The following RPF1 variants were observed in gnomAD, a reference collection of about 807,000 sequenced individuals.
The protein encoded by RPF1 is ribosome production factor 1 homolog, also known as ribosome production factor 1.
In RPF1, 34 loss-of-function variants were observed where a neutral mutation model predicts 41.9. That is an observed-to-expected ratio of 0.81 (90% confidence interval 0.62 to 1.08). The LOEUF (loss-of-function observed/expected upper bound fraction) is 1.08. Ranked by LOEUF, RPF1 falls within the 50% of genes least tolerant of loss-of-function variation. The pLI, the probability that RPF1 is intolerant of heterozygous loss-of-function variation, is 0.00. For missense variants in RPF1, 425 were observed against 435.2 expected (o/e 0.98, Z 0.21); for synonymous variants, 140 against 148.9 (o/e 0.94, Z 0.43).
At position 84,498,136 on chromosome 1, in the gene RPF1, C is replaced by T. The variant is rs1238950815; in HGVS notation, c.*666C>T. 6.6e-6 allele frequency among the ~76,000 whole-genome samples: 1 copy of T among 152,166 alleles called. No individual in the cohort carries two copies. The highest frequency in any genetic ancestry group is 6.5e-5 in the Admixed American group (1 of 15,280). ...ATGGATGGAAACCCGTAGAACTTAA[C>T]AGCCTCCTCCTGACCTTAAAAGAAT... On this transcript the variant is annotated 3_prime_UTR_variant, in exon 9 of 9. Transcript: ENST00000370654.
Position 84,497,569 on chromosome 1 carries a change from G to T in RPF1, c.*99G>T. On this transcript the variant is annotated 3_prime_UTR_variant, in exon 9 of 9. Coordinates refer to ENST00000370654, the MANE Select transcript of RPF1 (RefSeq NM_025065.7). ...TACTCTTTTCAAAATGGCATTTGCT[G>T]ATTTCATAAACCTTTCACGTCTGGA... 1.2e-6 allele frequency: 1 copy of T among 869,044 alleles called. No individual in the cohort carries two copies. Among genetic ancestry groups the T allele is most frequent in the South Asian group, 1.9e-5 (1 of 52,842 alleles). 53.8% of individuals were successfully genotyped at this position (869,044 alleles called of 1,614,324 possible). A position where few individuals can be genotyped will look rare whatever the true frequency, so the allele number is the denominator to read the frequency against.
Position 84,479,297 on chromosome 1 carries a change from G to A in RPF1, c.16G>A (p.Asp6Asn), listed in dbSNP as rs762350641. The A allele has an allele frequency of 1.9e-6, 3 of 1,604,288 alleles. No homozygotes were observed. The highest frequency in any genetic ancestry group is 1.7e-4 in the Middle Eastern group (1 of 5,886). MAKAG[D>N]KSSSSGKKSL... ...AGCCAAGACCATGGCGAAAGCCGGG[G>A]ATAAGAGCAGCAGCAGCGGGAAGAA... is the stretch of plus-strand genomic sequence containing the variant. The change falls in exon 1 of 9, where the codon GAT (aspartate) becomes AAT (asparagine). Residue 6 changes from aspartate to asparagine, a missense_variant. Coordinates refer to ENST00000370654, the MANE Select transcript of RPF1 (RefSeq NM_025065.7).
chr1:84,497,432 C>T lies in RPF1; in HGVS notation c.1012C>T (p.Arg338Trp), dbSNP rs371585771. The change falls in exon 9 of 9, where the codon CGG (arginine) becomes TGG (tryptophan). Residue 338 changes from arginine (R) to tryptophan (W), a missense_variant. Arg to Trp is a moderately radical substitution (Grantham distance 101, BLOSUM62 -3). Transcript: ENST00000370654. Reference sequence around the variant, plus strand: ...CTCCCTTGCTTTCCACTTTCAGCCCCGGGAAATGGATACAAGTAGAAGAAA... The same window carrying T: ...CTCCCTTGCTTTCCACTTTCAGCCCTGGGAAATGGATACAAGTAGAAGAAA... ...YGEYEWVHKP[R>W]EMDTSRRKFH... The T allele has an allele frequency of 2.5e-5, 41 of 1,609,592 alleles. No homozygotes were observed. The South Asian group carries it at 2.8e-4, about 11-fold the overall frequency.
intron 5 of RPF1, among the ~76,000 whole-genome samples, chr1:84,494,131 A>G (rs538247417): frequency 5.9e-5 from 9 of 152,346 alleles, no homozygotes; most frequent in Non-Finnish European, 1.2e-4. Flanking sequence ...TGATTTTACA[A>G]TCTGCATTAG....
intron 2 of RPF1, among the ~76,000 whole-genome samples, chr1:84,482,691 T>C (rs1681671819): frequency 6.6e-6 from 1 of 151,884 alleles, no homozygotes; most frequent in Non-Finnish European, 1.5e-5. Context: ...TCATTCAGTG[T>C]TGGCCATTCT....
chr1:84,496,373 A>G lies in RPF1; in HGVS notation c.1008+3A>G. On this transcript the variant is annotated splice_donor_region_variant and intron_variant, in intron 8 of 8. Transcript: ENST00000370654. ...GAGAGTATGAATGGGTCCATAAGGTATGTGCTTATTGTTTAAAAAGACTAA... is the reference window on the plus strand; with the variant it reads ...GAGAGTATGAATGGGTCCATAAGGTGTGTGCTTATTGTTTAAAAAGACTAA... 6.3e-7 allele frequency: 1 copy of G among 1,596,280 alleles called. No homozygotes were observed.
At position 84,480,988 on chromosome 1, in the gene RPF1, A is replaced by G; in HGVS notation, c.261A>G (p.Lys87=). Reference sequence around the variant, plus strand: ...TGGCAGCTAAGAAAAAACTTAAAAAAGAAAGAGAGGCTCTTGGCGATAAGG... The same window carrying G: ...TGGCAGCTAAGAAAAAACTTAAAAAGGAAAGAGAGGCTCTTGGCGATAAGG... ...EKLAAKKKLK[K]EREALGDKAP... Residue 87 remains lysine, a synonymous_variant, in exon 2 of 9, where the codon AAA becomes AAG. Transcript: ENST00000370654. The G allele has an allele frequency of 6.3e-7, 1 of 1,596,322 alleles. No homozygotes were observed. Among genetic ancestry groups the G allele is most frequent in the Non-Finnish European group, 8.6e-7 (1 of 1,166,762 alleles).
chr1:84,489,710 A>G lies in RPF1; in HGVS notation c.444A>G (p.Thr148=), dbSNP rs1374501889. ...KQTSPKILIT[T]SDRPHGRTVR... ...CTTCTCCCAAGATTCTCATCACAACATCAGATAGACCTCATGGGGTAAACA... is the reference window on the plus strand; with the variant it reads ...CTTCTCCCAAGATTCTCATCACAACGTCAGATAGACCTCATGGGGTAAACA... Residue 148 remains threonine, a synonymous_variant, in exon 4 of 9, where the codon ACA becomes ACG. Transcript: ENST00000370654. 8 of 1,587,828 alleles carry G rather than the reference A, an allele frequency of 5.0e-6. No individual in the cohort carries two copies. Among genetic ancestry groups the G allele is most frequent in the Admixed American group, 3.3e-5 (2 of 59,972 alleles).
chr1:84,488,356 G>T (rs1444743593), intron 3 of RPF1, among the ~76,000 whole-genome samples: 1 of 152,072 alleles, frequency 6.6e-6, no homozygotes, highest in African/African-American at 2.4e-5. Flanking sequence ...TACAGTTTTT[G>T]TTGGTGTAAA....
chr1:84,492,239 G>GC (rs1465883780), intron 5 of RPF1, among the ~76,000 whole-genome samples: 5 of 148,682 alleles, frequency 3.4e-5, no homozygotes, highest in African/African-American at 1.3e-4. Context: ...GGTGACACAT[G>GC]GGGGGAAAGT....
At chr1:84,481,082 T>A in intron 2 of RPF1, 70 bp downstream of exon 2, 1 of 820,246 alleles carries the variant, frequency 1.2e-6, no homozygotes, top group South Asian at 1.6e-5. Flanking sequence ...TTAAGTTGAA[T>A]TACTTTCTTT....
At position 84,490,489 on chromosome 1, in the gene RPF1, T is replaced by TC; in HGVS notation, c.616+17_616+18insC. The TC allele has an allele frequency of 6.5e-7, 1 of 1,542,544 alleles. No individual in the cohort carries two copies. Among genetic ancestry groups the TC allele is most frequent in the Non-Finnish European group, 8.8e-7 (1 of 1,141,650 alleles). ...AAACCCCAAGTATCCTTTTTTTTTT[T>TC]AAGGAGGTTTTCCTGTCCTCTCCCT... is the stretch of plus-strand genomic sequence containing the variant. On this transcript the variant is annotated intron_variant, in intron 5 of 8. Transcript: ENST00000370654.
At chr1:84,482,811 C>A in intron 2 of RPF1, 104 bp from the exon 3 acceptor site, 1 of 644,724 alleles carries the variant, frequency 1.6e-6, no homozygotes, top group Non-Finnish European at 2.8e-6. Context: ...ATATGAGGAA[C>A]AGATTGAGTT....
At chr1:84,479,621 C>A in intron 1 of RPF1, 112 bp downstream of exon 1, 4 of 1,036,256 alleles carry the variant, frequency 3.9e-6, no homozygotes, top group East Asian at 2.6e-5. Context: ...TTCTCTGTGG[C>A]TCCGTGGGAA....
intron 2 of RPF1, among the ~76,000 whole-genome samples, chr1:84,481,286 T>A (rs2101881568): frequency 6.6e-6 from 1 of 152,358 alleles, no homozygotes; most frequent in Non-Finnish European, 1.5e-5. Flanking sequence ...TTCCATGCAC[T>A]TCTTTTACCT....
intron 2 of RPF1, among the ~76,000 whole-genome samples, chr1:84,482,125 A>G (rs1681661886): frequency 6.6e-6 from 1 of 152,260 alleles, no homozygotes; most frequent in Admixed American, 6.5e-5. Context: ...AAAAATGCTT[A>G]AAATGTAATA....
Position 84,479,320 on chromosome 1 carries a change from G to C in RPF1, c.39G>C (p.Lys13Asn), listed in dbSNP as rs768269705. The change falls in exon 1 of 9, where the codon AAG becomes AAC. Residue 13 changes from lysine to asparagine, a missense_variant. Coordinates refer to ENST00000370654, the MANE Select transcript of RPF1 (RefSeq NM_025065.7). ...KAGDKSSSSG[K>N]KSLKRKAAAE... ...GGGATAAGAGCAGCAGCAGCGGGAA[G>C]AAAAGTCTAAAACGGAAAGCCGCTG... 16 of 1,610,062 alleles carry C rather than the reference G, an allele frequency of 9.9e-6. No individual in the cohort carries two copies. Among genetic ancestry groups the C allele is most frequent in the Admixed American group, 8.4e-5 (5 of 59,300 alleles).
chr1:84,482,787 A>G (rs1681673763), intron 2 of RPF1, 128 bp from the exon 3 acceptor site: 1 of 583,476 alleles, frequency 1.7e-6, no homozygotes, highest in African/African-American at 1.9e-5. Context: ...TGATGTAGCA[A>G]TAGAAGTGGA....
In RPF1 at chr1:84,489,629, T is replaced by G. The variant is rs1380908126; in HGVS notation, c.367-4T>G. On this transcript the variant is annotated splice_polypyrimidine_tract_variant and splice_region_variant and intron_variant, in intron 3 of 8. Transcript: ENST00000370654. ...GTAAAATTATTCCTCTTCTCTGTTCTCAGGTCGCTTATGATGAAGCTACAG... is the reference window on the plus strand; with the variant it reads ...GTAAAATTATTCCTCTTCTCTGTTCGCAGGTCGCTTATGATGAAGCTACAG... The G allele has an allele frequency of 8.4e-6, 13 of 1,550,356 alleles. No individual in the cohort carries two copies. Among genetic ancestry groups the G allele is most frequent in the Non-Finnish European group, 1.2e-5 (13 of 1,122,176 alleles).
Sources: gnomAD v4.1 joint callset for allele counts (sites outside exome capture counted in the v4.1 genomes callset) on GRCh38, gnomAD v4.1.1 for gene constraint, MANE v1.5 for transcripts, NCBI Gene and HGNC (gene_info 2026-07-23, HGNC 2026-07-21) for gene names.